The following MORN3 variants were observed in gnomAD, a reference collection of about 807,000 sequenced individuals.
MORN3 encodes the protein MORN repeat containing 3.
A neutral mutation model predicts 34.7 loss-of-function variants in MORN3; 38 were observed. That is an observed-to-expected ratio of 1.10 (90% CI 0.85 to 1.44). The LOEUF is 1.44. MORN3 is among the 40% of genes most tolerant of loss of function. The pLI, the probability that MORN3 is intolerant of heterozygous loss-of-function variation, is 0.00. For synonymous variants in MORN3, 109 were observed against 115.3 expected (o/e 0.95, Z 0.35); for missense variants, 311 against 321.7 (o/e 0.97, Z 0.25).
intron 1 of MORN3, 23 bp downstream of exon 1, chr12:121,669,316 G>A (rs767807429): frequency 8.9e-5 from 143 of 1,610,914 alleles, no homozygotes; most frequent in South Asian, 1.8e-4. Context: ...CACTCCGGCC[G>A]CCCGTCCCGG....
intron 1 of MORN3, among the ~76,000 whole-genome samples, chr12:121,667,945 A>G (rs936369620): frequency 1.3e-5 from 2 of 151,018 alleles, no homozygotes; most frequent in Non-Finnish European, 3.0e-5. Flanking sequence ...GGATGGTCTC[A>G]ATCTCCTGAC....
chr12:121,652,524 A>G (rs1251251826), intron 5 of MORN3, among the ~76,000 whole-genome samples: 1 of 152,218 alleles, frequency 6.6e-6, no homozygotes, highest in Non-Finnish European at 1.5e-5. Context: ...AAGAGCCACC[A>G]CAGCCGGTCA....
At chr12:121,669,826 A>G (rs1178499163), upstream of MORN3, among the ~76,000 whole-genome samples, 1 of 116,842 alleles carries the variant, frequency 8.6e-6, no homozygotes, top group Non-Finnish European at 1.7e-5. Flanking sequence ...ATATATATAT[A>G]TATATATTTT....
At position 121,653,110 on chromosome 12, in the gene MORN3, C is replaced by G; in HGVS notation, c.613G>C (p.Glu205Gln). 3.7e-6 allele frequency: 6 copies of G among 1,613,798 alleles called. No homozygotes were observed. Among genetic ancestry groups the G allele is most frequent in the Non-Finnish European group, 5.1e-6 (6 of 1,179,934 alleles). Reference protein sequence around the residue: ...CGTMIDFGRDEAPEPTQFPIP... With the variant: ...CGTMIDFGRDQAPEPTQFPIP... Reference sequence around the variant, plus strand: ...GGGAACTGAGTGGGCTCAGGGGCCTCGTCACGGCCAAAGTCGATCATCGTC... The same window carrying G: ...GGGAACTGAGTGGGCTCAGGGGCCTGGTCACGGCCAAAGTCGATCATCGTC... The change falls in exon 4 of 6, where the codon GAG (glutamate) becomes CAG (glutamine). Residue 205 changes from glutamate to glutamine, a missense_variant. Transcript: ENST00000355329.
chr12:121,656,767 CCT>C (rs782511500), intron 2 of MORN3, among the ~76,000 whole-genome samples: 38 of 152,084 alleles, frequency 2.5e-4, no homozygotes, highest in Non-Finnish European at 5.0e-4. Flanking sequence ...GTGATACACC[CCT>C]GTCTGCCTCC....
intron 1 of MORN3, among the ~76,000 whole-genome samples, chr12:121,659,670 G>A (rs575700045): frequency 6.6e-6 from 1 of 151,698 alleles, no homozygotes; most frequent in African/African-American, 2.4e-5. Flanking sequence ...GAGTAGCTAG[G>A]ACTACAGGTG....
At chr12:121,666,192 C>A (rs944445731) in intron 1 of MORN3, among the ~76,000 whole-genome samples, 11 of 151,106 alleles carry the variant, frequency 7.3e-5, no homozygotes, top group Non-Finnish European at 1.2e-4. Context: ...CTTTTTTTTT[C>A]TTCCTTTTTG....
At chr12:121,655,917 G>C (rs1555325644) in intron 2 of MORN3, among the ~76,000 whole-genome samples, 1 of 152,030 alleles carries the variant, frequency 6.6e-6, no homozygotes, top group Non-Finnish European at 1.5e-5. Context: ...CGTAGTCCCA[G>C]CTACTCGGGA....
intron 1 of MORN3, among the ~76,000 whole-genome samples, chr12:121,668,350 C>G (rs1893838671): frequency 1.3e-5 from 2 of 151,994 alleles, no homozygotes; most frequent in African/African-American, 2.4e-5. Context: ...CAAGACCAGC[C>G]TGACCAACAC....
chr12:121,653,443 A>C (rs1441906374), intron 3 of MORN3, among the ~76,000 whole-genome samples, 184 bp from the exon 4 acceptor site: 1 of 152,164 alleles, frequency 6.6e-6, no homozygotes, highest in Non-Finnish European at 1.5e-5. Flanking sequence ...TGCAAAAAAA[A>C]AAATTTTTTT....
chr12:121,672,181 C>T (rs772693095), upstream of MORN3, among the ~76,000 whole-genome samples: 1 of 151,620 alleles, frequency 6.6e-6, no homozygotes, highest in African/African-American at 2.4e-5. Flanking sequence ...ACCGGCCTGG[C>T]GGCATGGGGG....
At chr12:121,669,899 A>T (rs961409663), upstream of MORN3, among the ~76,000 whole-genome samples, 9 of 148,868 alleles carry the variant, frequency 6.0e-5, no homozygotes, top group African/African-American at 2.2e-4. Flanking sequence ...TTAGAGATGG[A>T]ATCTTGCTTT....
At chr12:121,664,690 GTGATTGGCTAGCCAATACAT>G (rs1028600451) in intron 1 of MORN3, among the ~76,000 whole-genome samples, 5 of 152,034 alleles carry the variant, frequency 3.3e-5, no homozygotes, top group East Asian at 1.9e-4. Flanking sequence ...GAGCAACAGA[GTGATTGGCTAGCCAATACAT>G]TGATTGGCTA....
At chr12:121,661,911 G>A (rs11043315) in intron 1 of MORN3, among the ~76,000 whole-genome samples, 2,588 of 151,438 alleles carry the variant, frequency 0.017, 36 homozygotes, top group Non-Finnish European at 0.026. Context: ...GAGGAAGGGA[G>A]GAAGGGAGGA....
At chr12:121,659,872 CTT>C (rs1340815031) in intron 1 of MORN3, among the ~76,000 whole-genome samples, 1 of 151,656 alleles carries the variant, frequency 6.6e-6, no homozygotes, top group Admixed American at 6.6e-5. Flanking sequence ...GCATGCCTGT[CTT>C]TTCCAGGAGA....
rs552485770 is a variant in MORN3, at chr12:121,649,681, C to T, written c.*1970G>A. ...CTCTTGCTGAGGTCTTAGCTAGAAT[C>T]GTGGTATTTCAGGGTTTCTCAACAT... On this transcript the variant is annotated 3_prime_UTR_variant, in exon 6 of 6. Transcript: ENST00000355329. The T allele has an allele frequency of 1.3e-5, 2 of 149,460 alleles. No individual in the cohort carries two copies. Among genetic ancestry groups the T allele is most frequent in the Non-Finnish European group, 3.0e-5 (2 of 67,618 alleles). The allele number at this position is 149,460 out of a possible 1,614,324, so 9.3% of individuals were successfully genotyped here.
chr12:121,662,478 G>A (rs1441955482), intron 1 of MORN3, among the ~76,000 whole-genome samples: 1 of 151,946 alleles, frequency 6.6e-6, no homozygotes, highest in Non-Finnish European at 1.5e-5. Context: ...CAAACAGGTC[G>A]GGTGCGGTGG....
intron 2 of MORN3, among the ~76,000 whole-genome samples, chr12:121,658,382 C>T (rs1227165737): frequency 6.6e-5 from 10 of 151,520 alleles, no homozygotes; most frequent in Non-Finnish European, 1.2e-4. Flanking sequence ...CTGGCTAACA[C>T]GGTGAAACCC....
At chr12:121,653,285 G>T (rs782732735) in intron 3 of MORN3, 26 bp from the exon 4 acceptor site, 15 of 1,607,430 alleles carry the variant, frequency 9.3e-6, no homozygotes, top group Admixed American at 5.1e-5. Flanking sequence ...GGGAGGTGTG[G>T]TGCAGGGTAC....
Sources: gnomAD v4.1 joint callset for allele counts (sites outside exome capture counted in the v4.1 genomes callset) on GRCh38, gnomAD v4.1.1 for gene constraint, MANE v1.5 for transcripts, NCBI Gene and HGNC (gene_info 2026-07-23, HGNC 2026-07-21) for gene names.